Variants in SIAE observed in about 807,000 individuals in gnomAD.
SIAE encodes sialic acid acetylesterase.
A neutral mutation model predicts 52.6 loss-of-function variants in SIAE; 39 were observed. The ratio of observed to expected loss-of-function variants is 0.74; its 90% confidence interval spans 0.57 to 0.97. SIAE has a LOEUF of 0.97. Among genes scored for constraint, SIAE ranks in the 50% least tolerant of loss-of-function variants. SIAE has a pLI of 0.00. For missense variants in SIAE, 592 were observed against 662.1 expected (o/e 0.89, Z 1.16); for synonymous variants, 233 against 241.4 (o/e 0.97, Z 0.32).
intron 6 of SIAE, among the ~76,000 whole-genome samples, 152 bp downstream of exon 6, chr11:124,647,912 GCC>G (rs1298944014): frequency 1.3e-5 from 2 of 152,280 alleles, no homozygotes; most frequent in East Asian, 3.9e-4. Context: ...AGCTGAAGCA[GCC>G]CAGACATAAA....
In SIAE at chr11:124,648,159, A is replaced by C. The variant is rs755562845; in HGVS notation, c.739T>G (p.Ser247Ala). 1.2e-6 allele frequency: 2 copies of C among 1,613,648 alleles called. No homozygotes were observed. The highest frequency in any genetic ancestry group is 1.7e-6 in the Non-Finnish European group (2 of 1,179,776). ...VPKQGSIPYD[S>A]VTGPSKHSVL... ...GAGTGCTTACTGGGACCAGTTACAGAATCGTATGGAATGGACCTGAAATCA... is the reference window on the plus strand; with the variant it reads ...GAGTGCTTACTGGGACCAGTTACAGCATCGTATGGAATGGACCTGAAATCA... The change falls in exon 6 of 10, where the codon TCT (serine) becomes GCT (alanine). Residue 247 changes from serine to alanine, a missense_variant. Coordinates refer to ENST00000263593, the MANE Select transcript of SIAE (RefSeq NM_170601.5).
chr11:124,663,444 G>A lies in SIAE; in HGVS notation c.230-2641C>T, dbSNP rs753607244. ...ACAAAAATGAGCTGGGCATGGTGGC[G>A]GCACCCGTAGTCCCAGCTACTCGGG... is the stretch of plus-strand genomic sequence containing the variant. On this transcript the variant is annotated intron_variant, in intron 2 of 9. Coordinates refer to ENST00000263593, the MANE Select transcript of SIAE (RefSeq NM_170601.5). Among the ~76,000 whole-genome samples the A allele has an allele frequency of 2.6e-5, 4 of 151,946 alleles. No homozygotes were observed. The East Asian group carries it at 5.9e-4, about 22-fold the overall frequency.
rs894694961 is a variant in SIAE, at chr11:124,645,337, G to A, written c.966+2028C>T. On this transcript the variant is annotated intron_variant, in intron 7 of 9. Transcript: ENST00000263593. The surrounding 1 kb of genome is among the most constrained non-coding windows in gnomAD (Gnocchi z 4.7). The stretch of plus-strand genomic sequence containing the variant: ...TATATTTCTTTTTTTTTTTTGAGAC[G>A]GAGTTTCGCTCTTATTGCCCAGGCT... Among the ~76,000 whole-genome samples the A allele has an allele frequency of 2.0e-5, 3 of 150,614 alleles. No individual in the cohort carries two copies. Among genetic ancestry groups the A allele is most frequent in the South Asian group, 2.1e-4 (1 of 4,752 alleles).
At chr11:124,639,647 C>T (rs748286339) in intron 8 of SIAE, 63 bp downstream of exon 8, 156 of 1,607,410 alleles carry the variant, frequency 9.7e-5, no homozygotes, top group South Asian at 1.4e-4. Flanking sequence ...CACCGGTGAA[C>T]ATCAGAGTGA....
At position 124,647,105 on chromosome 11, in the gene SIAE, G is replaced by T. The variant is rs185711015; in HGVS notation, c.966+260C>A. Reference sequence around the variant, plus strand: ...CTTATCTTTTTAATATTTCCTCAATGAAACTGTAATGCTTTTTAAATAAGA... The same window carrying T: ...CTTATCTTTTTAATATTTCCTCAATTAAACTGTAATGCTTTTTAAATAAGA... On this transcript the variant is annotated intron_variant, in intron 7 of 9. Transcript: ENST00000263593. 2.4e-4 allele frequency among the ~76,000 whole-genome samples: 36 copies of T among 152,228 alleles called. No individual in the cohort carries two copies. In the East Asian group the frequency reaches 6.0e-3, roughly 25 times the overall value.
At chr11:124,656,567 C>T (rs576849144) in intron 3 of SIAE, among the ~76,000 whole-genome samples, 33 of 152,258 alleles carry the variant, frequency 2.2e-4, no homozygotes, top group Non-Finnish European at 4.1e-4. Context: ...GTATGCTACA[C>T]TCAGTTCCTT....
chr11:124,662,375 A>C (rs1943198120), intron 2 of SIAE, among the ~76,000 whole-genome samples: 1 of 152,138 alleles, frequency 6.6e-6, no homozygotes, highest in Non-Finnish European at 1.5e-5. Flanking sequence ...TCCTGCACTG[A>C]CACATCTTAC....
At chr11:124,669,546 G>T in intron 1 of SIAE, 25 bp from the exon 2 acceptor site, 1 of 1,607,444 alleles carries the variant, frequency 6.2e-7, no homozygotes. Context: ...AAACACTGAG[G>T]GAAGCATCAT....
At chr11:124,675,333 GAC>G (rs776122357), upstream of SIAE, 97 of 1,614,090 alleles carry the variant, frequency 6.0e-5, no homozygotes, top group East Asian at 2.0e-4. Context: ...TTGAAGGGCT[GAC>G]ACGCGAGATT....
chr11:124,638,851 T>C (rs1013387071), intron 8 of SIAE, 114 bp from the exon 9 acceptor site: 1 of 823,700 alleles, frequency 1.2e-6, no homozygotes, highest in Admixed American at 2.2e-5. Context: ...TAAAGTTGAC[T>C]GAACTCTGTG....
chr11:124,656,829 G>A (rs147968042), intron 3 of SIAE, among the ~76,000 whole-genome samples: 7 of 152,264 alleles, frequency 4.6e-5, no homozygotes, highest in African/African-American at 7.2e-5. Context: ...GGGAGCAGGC[G>A]CTCCAGCTGA....
At position 124,639,697 on chromosome 11, in the gene SIAE, G is replaced by A; in HGVS notation, c.1124+13C>T. ...CATACACTGTTCATGCAAAGCCCAA[G>A]AAGCAATCATACCTGCCAAAAGGCG... On this transcript the variant is annotated intron_variant, in intron 8 of 9. Transcript: ENST00000263593. 3 of 1,613,966 alleles carry A rather than the reference G, an allele frequency of 1.9e-6. No individual in the cohort carries two copies. Among genetic ancestry groups the A allele is most frequent in the Non-Finnish European group, 2.5e-6 (3 of 1,179,878 alleles).
At chr11:124,655,864 T>C (rs998224309) in intron 3 of SIAE, among the ~76,000 whole-genome samples, 11 of 152,210 alleles carry the variant, frequency 7.2e-5, no homozygotes, top group African/African-American at 2.7e-4. Context: ...ATATTTATTA[T>C]ATATGTTAAG....
At chr11:124,663,303 G>A (rs1259334425) in intron 2 of SIAE, among the ~76,000 whole-genome samples, 4 of 151,234 alleles carry the variant, frequency 2.6e-5, no homozygotes, top group South Asian at 4.2e-4. Context: ...TTGGCCGGGC[G>A]CAGTGGCTTG....
chr11:124,649,115 A>G (rs929660633), intron 5 of SIAE, among the ~76,000 whole-genome samples: 1 of 152,142 alleles, frequency 6.6e-6, no homozygotes, highest in Non-Finnish European at 1.5e-5. Flanking sequence ...GTACATGTTT[A>G]TAACATTTGT....
rs542681701 is a variant in SIAE, at chr11:124,670,489, T to G, written c.68-968A>C. Among the ~76,000 whole-genome samples, 3 of 152,182 alleles carry G rather than the reference T, an allele frequency of 2.0e-5. No individual in the cohort carries two copies. Among genetic ancestry groups the G allele is most frequent in the Non-Finnish European group, 4.4e-5 (3 of 68,018 alleles). ...AAAATAAAACAAATTATATCCCAAT[T>G]TATCTGAATAAAACAGACCCCAAAC... On this transcript the variant is annotated intron_variant, in intron 1 of 9. Transcript: ENST00000263593. This position sits in a 1 kb window ranked among gnomAD's most constrained non-coding sequence, Gnocchi z 4.5.
chr11:124,673,823 G>A (rs1943415688), upstream of SIAE: 2 of 1,201,400 alleles, frequency 1.7e-6, no homozygotes, highest in African/African-American at 1.5e-5. Context: ...AGCCTCCCGC[G>A]ACCTCAGGAC....
chr11:124,639,724 G>T lies in SIAE; in HGVS notation c.1110C>A (p.Asp370Glu). Residue 370 changes from aspartate to glutamate, a missense_variant, in exon 8 of 10, where the codon GAC becomes GAA. Asp to Glu is a conservative substitution (Grantham distance 45). Transcript: ENST00000263593. ...AGCAATCATACCTGCCAAAAGGCGAGTCTCTATCACAGAGATCCATAGCTA... is the reference window on the plus strand; with the variant it reads ...AGCAATCATACCTGCCAAAAGGCGATTCTCTATCACAGAGATCCATAGCTA... ...MAVAMDLCDR[D>E]SPFGSIHPRD... 1 of 1,614,112 alleles carries T rather than the reference G, an allele frequency of 6.2e-7. No homozygotes were observed. The highest frequency in any genetic ancestry group is 8.5e-7 in the Non-Finnish European group (1 of 1,179,958).
At chr11:124,648,744 G>A (rs1022536515) in intron 5 of SIAE, among the ~76,000 whole-genome samples, 4 of 123,076 alleles carry the variant, frequency 3.3e-5, no homozygotes, top group African/African-American at 1.9e-4. Context: ...GCTGCTGCGT[G>A]TGAGAAGCCC....
Sources: allele counts gnomAD v4.1 joint callset (sites outside exome capture counted in the v4.1 genomes callset), GRCh38; gene constraint gnomAD v4.1.1; non-coding constraint Gnocchi (gnomAD v3.1); transcripts MANE v1.5; gene names NCBI Gene and HGNC (gene_info 2026-07-23, HGNC 2026-07-21).